The following CPNE4 variants were observed in gnomAD, a reference collection of about 807,000 sequenced individuals.
CPNE4 encodes the protein copine 4, also known as copine-4.
CPNE4 carries 25 observed loss-of-function variants against 67.9 expected under a neutral mutation model. The ratio of observed to expected loss-of-function variants is 0.37; its 90% CI spans 0.27 to 0.51. The LOEUF is 0.51. CPNE4 is among the 20% of genes least tolerant of loss of function. The pLI is 0.93. For synonymous variants in CPNE4, 242 were observed against 244.9 expected, an observed-to-expected ratio of 0.99 and a Z score of 0.11; for missense variants, 464 against 690.8, an observed-to-expected ratio of 0.67 and a Z score of 3.68.
intron 3 of CPNE4, among the ~76,000 whole-genome samples, chr3:131,716,477 A>G (rs2081688244): frequency 6.6e-6 from 1 of 152,166 alleles, no homozygotes; most frequent in Admixed American, 6.5e-5. Flanking sequence ...TTAAAATCCA[A>G]CTCAGTAAAA....
At chr3:131,683,720 C>T (rs902293562) in intron 6 of CPNE4, among the ~76,000 whole-genome samples, 21 of 152,184 alleles carry the variant, frequency 1.4e-4, no homozygotes, top group African/African-American at 4.8e-4. Flanking sequence ...AGCAGAGCAC[C>T]AGTACTTGCC....
intron 1 of CPNE4, among the ~76,000 whole-genome samples, chr3:131,977,685 T>A (rs1057483320): frequency 6.6e-6 from 1 of 152,130 alleles, no homozygotes; most frequent in African/African-American, 2.4e-5. Context: ...AAGATTTTTA[T>A]TAAAAATATT....
intron 6 of CPNE4, among the ~76,000 whole-genome samples, chr3:131,677,727 A>G (rs2080619712): frequency 6.6e-6 from 1 of 152,126 alleles, no homozygotes; most frequent in Non-Finnish European, 1.5e-5. Flanking sequence ...GGTTTGTTGA[A>G]GATCAGATAG....
chr3:132,016,576 A>T (rs1272900853), intron 1 of CPNE4, among the ~76,000 whole-genome samples: 2 of 152,232 alleles, frequency 1.3e-5, no homozygotes, highest in Admixed American at 1.3e-4. Flanking sequence ...AGAGAAAAAC[A>T]GGTTCTCCTA....
In CPNE4 at chr3:132,021,634, G is replaced by A. The variant is rs141822541; in HGVS notation, c.-2+12933C>T. 4.3e-4 allele frequency among the ~76,000 whole-genome samples: 65 copies of A among 152,288 alleles called. No homozygotes were observed. The East Asian group carries it at 8.3e-3, about 19-fold the overall frequency. On this transcript the variant is annotated intron_variant, in intron 1 of 15. Transcript: ENST00000429747. The stretch of plus-strand genomic sequence containing the variant: ...TATTTATGAAAAAAGTGTGCATACT[G>A]AAATTGACACATGTGCTACAGATTG...
At chr3:131,843,861 G>C (rs1428498505) in intron 2 of CPNE4, among the ~76,000 whole-genome samples, 1 of 152,154 alleles carries the variant, frequency 6.6e-6, no homozygotes, top group East Asian at 1.9e-4. Flanking sequence ...GCCTTATATT[G>C]AGGGAGGAGA....
At chr3:131,758,608 G>A (rs957941696) in intron 2 of CPNE4, among the ~76,000 whole-genome samples, 1 of 152,208 alleles carries the variant, frequency 6.6e-6, no homozygotes, top group Non-Finnish European at 1.5e-5. Context: ...AGACTGTTGG[G>A]AAGGCATGAT....
intron 2 of CPNE4, among the ~76,000 whole-genome samples, chr3:131,750,131 T>C (rs1323095533): frequency 6.6e-6 from 1 of 152,168 alleles, no homozygotes; most frequent in Non-Finnish European, 1.5e-5. Context: ...CCATCTTCAA[T>C]TAGTATATGA....
intron 2 of CPNE4, among the ~76,000 whole-genome samples, chr3:131,865,215 C>G (rs1164089765): frequency 6.6e-6 from 1 of 152,052 alleles, no homozygotes; most frequent in Non-Finnish European, 1.5e-5. Context: ...ATAATGCTGG[C>G]CTCATAAAAT....
At chr3:131,859,289 A>G (rs1316214253) in intron 2 of CPNE4, among the ~76,000 whole-genome samples, 1 of 152,112 alleles carries the variant, frequency 6.6e-6, no homozygotes, top group Admixed American at 6.6e-5. Context: ...AAGCTCCCCA[A>G]GATAGCCAGC....
At chr3:131,796,158 T>A (rs1452015769) in intron 2 of CPNE4, among the ~76,000 whole-genome samples, 2 of 152,166 alleles carry the variant, frequency 1.3e-5, no homozygotes, top group Non-Finnish European at 2.9e-5. Context: ...CAGAGTTTTT[T>A]TTTTTTGTAA....
At chr3:131,884,456 G>C (rs1260236876) in intron 2 of CPNE4, among the ~76,000 whole-genome samples, 1 of 152,202 alleles carries the variant, frequency 6.6e-6, no homozygotes, top group Non-Finnish European at 1.5e-5. Flanking sequence ...CTAGTCTCTA[G>C]GAAGGGGGCA....
chr3:131,955,620 A>G (rs2071941850), intron 1 of CPNE4, among the ~76,000 whole-genome samples: 2 of 151,480 alleles, frequency 1.3e-5, no homozygotes, highest in African/African-American at 4.8e-5. Context: ...ATAAAATTTG[A>G]CCAATGGGAA....
chr3:131,897,699 C>A (rs900510905), intron 2 of CPNE4, among the ~76,000 whole-genome samples: 2 of 152,000 alleles, frequency 1.3e-5, no homozygotes, highest in African/African-American at 2.4e-5. Flanking sequence ...AGTTTGAGAC[C>A]AGCTAAGCAA....
chr3:131,863,246 A>G (rs2086771831), intron 2 of CPNE4, among the ~76,000 whole-genome samples: 1 of 152,136 alleles, frequency 6.6e-6, no homozygotes. Context: ...GCTGGGTCAA[A>G]TGGTATTTCT....
chr3:132,000,847 TA>T (rs147138241), intron 1 of CPNE4, among the ~76,000 whole-genome samples: 27,408 of 138,300 alleles, frequency 0.2, 3,175 homozygotes, highest in East Asian at 0.41. Context: ...CCATGTTTCT[TA>T]AAAAAAAAAA....
chr3:131,973,544 C>A (rs999236557), intron 1 of CPNE4, among the ~76,000 whole-genome samples: 2 of 152,182 alleles, frequency 1.3e-5, no homozygotes, highest in Admixed American at 6.5e-5. Flanking sequence ...TCTCCATTGG[C>A]AAACAAGGAA....
intron 1 of CPNE4, among the ~76,000 whole-genome samples, chr3:131,958,074 G>T (rs932024578): frequency 3.9e-5 from 6 of 152,178 alleles, no homozygotes; most frequent in African/African-American, 1.4e-4. Context: ...CTCAAAGCAT[G>T]AGAAAGACTA....
At chr3:131,955,486 T>G (rs1019748659) in intron 1 of CPNE4, among the ~76,000 whole-genome samples, 6 of 144,832 alleles carry the variant, frequency 4.1e-5, no homozygotes, top group Non-Finnish European at 7.5e-5. Context: ...GTTGGTAGTC[T>G]GACCTGCTGA....
Sources: allele counts gnomAD v4.1 joint callset (sites outside exome capture counted in the v4.1 genomes callset), GRCh38; gene constraint gnomAD v4.1.1; transcripts MANE v1.5; gene names NCBI Gene and HGNC (gene_info 2026-07-23, HGNC 2026-07-21).